ISL2: variants seen among roughly 807,000 people sequenced by gnomAD.
ISL2 encodes insulin gene enhancer protein ISL-2.
ISL2 carries 17 observed loss-of-function variants against 34.6 expected under a neutral mutation model. The ratio of observed to expected loss-of-function variants is 0.49; its 90% CI spans 0.34 to 0.74. ISL2 has a LOEUF of 0.74. ISL2 is among the 30% of genes least tolerant of loss of function. The probability of loss-of-function intolerance (pLI) is 0.01; values close to 1 mark genes in which losing one functional copy is unlikely to be tolerated. For synonymous variants in ISL2, 232 were observed against 225.5 expected, an observed-to-expected ratio of 1.03 and a Z score of -0.26; for missense variants, 469 against 515.2, an observed-to-expected ratio of 0.91 and a Z score of 0.87.
In ISL2 at chr15:76,337,766, C is replaced by T; in HGVS notation, c.59-12C>T. ...GTCAGGCCTGACGCGGCCCCGCGCC[C>T]TTCCCCGGCAGAGAAGCCCGGGACG... On this transcript the variant is annotated splice_polypyrimidine_tract_variant and intron_variant, in intron 1 of 5. Coordinates refer to ENST00000290759, the MANE Select transcript of ISL2 (RefSeq NM_145805.3). 6.4e-7 allele frequency: 1 copy of T among 1,572,956 alleles called. No individual in the cohort carries two copies. Among genetic ancestry groups the T allele is most frequent in the Non-Finnish European group, 8.6e-7 (1 of 1,156,246 alleles).
At chr15:76,340,229 T>C in intron 3 of ISL2, 47 bp from the exon 4 acceptor site, 1 of 1,302,502 alleles carries the variant, frequency 7.7e-7, no homozygotes, top group Non-Finnish European at 1.0e-6. Flanking sequence ...TCGGGGCGGG[T>C]GGGTGGCGGC....
At chr15:76,340,716 G>A (rs754470194) in intron 4 of ISL2, among the ~76,000 whole-genome samples, 157 bp downstream of exon 4, 5 of 152,250 alleles carry the variant, frequency 3.3e-5, no homozygotes, top group African/African-American at 4.8e-5. Context: ...GCTTCCCTTG[G>A]ATTTGAGGCT....
intron 4 of ISL2, 87 bp from the exon 5 acceptor site, chr15:76,341,047 C>A: frequency 7.8e-7 from 1 of 1,277,412 alleles, no homozygotes; most frequent in South Asian, 1.5e-5. Context: ...GACCCTAAAT[C>A]ACTCAAGGCC....
At chr15:76,339,457 G>C in intron 3 of ISL2, 1 of 985,424 alleles carries the variant, frequency 1.0e-6, no homozygotes, top group Non-Finnish European at 1.2e-6. Context: ...GGAGCAAGCG[G>C]GTATTCAGTG....
At chr15:76,341,584 C>T (rs2040195083) in intron 5 of ISL2, 135 bp from the exon 6 acceptor site, 1 of 754,826 alleles carries the variant, frequency 1.3e-6, no homozygotes. Context: ...GGGACCTGGC[C>T]TCCTTCTCCG....
At position 76,340,558 on chromosome 15, in the gene ISL2, C is replaced by G. The variant is rs867957482; in HGVS notation, c.794C>G (p.Thr265Arg). 18 of 1,602,284 alleles carry G rather than the reference C, an allele frequency of 1.1e-5. No homozygotes were observed. Among genetic ancestry groups the G allele is most frequent in the Middle Eastern group, 1.7e-4 (1 of 6,010 alleles). Residue 265 changes from threonine (T) to arginine (R), a missense_variant and splice_region_variant, in exon 4 of 6, where the codon ACG becomes AGG. Thr to Arg is a moderately conservative substitution (Grantham distance 71). Around this residue, in one of 3 missense-constraint regions of ISL2, gnomAD observed 169 missense variants for 154.2 expected, o/e 1.10. Transcript: ENST00000290759. The part of the protein sequence containing the change: ...QLQQQQHSDK[T>R]SLQGLTGTPL... Reference sequence around the variant, plus strand: ...CAGCAGCAGCAGCACAGCGACAAGACGGTGAGCAGCCGCTGGGCCGGAGGC... The same window carrying G: ...CAGCAGCAGCAGCACAGCGACAAGAGGGTGAGCAGCCGCTGGGCCGGAGGC...
At chr15:76,341,050 T>C (rs2040189101) in intron 4 of ISL2, 84 bp from the exon 5 acceptor site, 3 of 1,320,544 alleles carry the variant, frequency 2.3e-6, no homozygotes, top group African/African-American at 1.5e-5. Flanking sequence ...CCTAAATCAC[T>C]CAAGGCCTGG....
chr15:76,340,597 G>C, intron 4 of ISL2, 38 bp downstream of exon 4: 1 of 1,574,490 alleles, frequency 6.4e-7, no homozygotes, highest in Non-Finnish European at 8.6e-7. Flanking sequence ...AGTCGGGTGG[G>C]GGCTGCGCTT....
At position 76,337,790 on chromosome 15, in the gene ISL2, C is replaced by T. The variant is rs1341429705; in HGVS notation, c.71C>T (p.Thr24Met). ...CCTTCCCCGGCAGAGAAGCCCGGGA[C>T]GGCCATGTGCGTGGGCTGCGGGAGT... ...MGDHSKKKPG[T>M]AMCVGCGSQI... Residue 24 changes from threonine (T) to methionine (M), a missense_variant, in exon 2 of 6, where the codon ACG becomes ATG. Physicochemically the swap from Thr to Met is moderately conservative, Grantham distance 81 (BLOSUM62 -1). This residue lies in a region of ISL2 where 297 missense variants were observed against 337.8 expected (regional missense o/e 0.88). Transcript: ENST00000290759. The T allele has an allele frequency of 6.3e-7, 1 of 1,594,126 alleles. No individual in the cohort carries two copies. The highest frequency in any genetic ancestry group is 1.3e-5 in the African/African-American group (1 of 74,352).
chr15:76,342,020 A>G lies in ISL2; in HGVS notation c.*185A>G. On this transcript the variant is annotated 3_prime_UTR_variant, in exon 6 of 6. Transcript: ENST00000290759. ...CGCCAGGATGCAACCTGCTTTCACCAGACTGCAGACCCCTGCTCCGAGGAC... is the reference window on the plus strand; with the variant it reads ...CGCCAGGATGCAACCTGCTTTCACCGGACTGCAGACCCCTGCTCCGAGGAC... 1 of 585,994 alleles carries G rather than the reference A, an allele frequency of 1.7e-6. No individual in the cohort carries two copies. The highest frequency in any genetic ancestry group is 3.1e-6 in the Non-Finnish European group (1 of 326,984). The allele number at this position is 585,994 out of a possible 1,614,324, so 36.3% of individuals were successfully genotyped here.
Position 76,341,873 on chromosome 15 carries a change from CTCCCT to C in ISL2, c.*39_*43del. On this transcript the variant is annotated 3_prime_UTR_variant, in exon 6 of 6. Coordinates refer to ENST00000290759, the MANE Select transcript of ISL2 (RefSeq NM_145805.3). ...CCTGCCAGCCCGCGGACCTCGCATG[CTCCCT>C]GCATGAGACTCACCCATGCTCAGGC... 1 of 1,356,916 alleles carries C rather than the reference CTCCCT, an allele frequency of 7.4e-7. No individual in the cohort carries two copies. Among genetic ancestry groups the C allele is most frequent in the Non-Finnish European group, 1.1e-6 (1 of 947,546 alleles). The allele number at this position is 1,356,916 out of a possible 1,614,324, so 84.1% of individuals were successfully genotyped here. A position where few individuals can be genotyped will look rare whatever the true frequency, so the allele number is the denominator to read the frequency against.
intron 1 of ISL2, 99 bp downstream of exon 1, chr15:76,337,040 T>G (rs867092520): frequency 9.1e-7 from 1 of 1,095,824 alleles, no homozygotes; most frequent in Middle Eastern, 2.0e-4. Context: ...TACAAGTGGC[T>G]TCTATTTGTC....
Position 76,341,810 on chromosome 15 carries a change from T to G in ISL2, c.1055T>G (p.Met352Arg), listed in dbSNP as rs1350301007. 6.2e-7 allele frequency: 1 copy of G among 1,613,410 alleles called. No individual in the cohort carries two copies. The highest frequency in any genetic ancestry group is 8.5e-7 in the Non-Finnish European group (1 of 1,179,890). Residue 352 changes from methionine (M) to arginine (R), a missense_variant, in exon 6 of 6, where the codon ATG (methionine) becomes AGG (arginine). Met to Arg is a moderately conservative substitution (Grantham distance 91). Coordinates refer to ENST00000290759, the MANE Select transcript of ISL2 (RefSeq NM_145805.3). ...CAGCTCCCGGACACCCCCAACAGTA[T>G]GGTGCCGAGTCCCGTGGAGACGTGA... The part of the protein sequence containing the change: ...SSQLPDTPNS[M>R]VPSPVET
Position 76,340,518 on chromosome 15 carries a change from C to T in ISL2, c.754C>T (p.Leu252Phe). 2.5e-6 allele frequency: 4 copies of T among 1,612,326 alleles called. No homozygotes were observed. Among genetic ancestry groups the T allele is most frequent in the South Asian group, 1.1e-5 (1 of 91,068 alleles). Residue 252 changes from leucine (L) to phenylalanine (F), a missense_variant, in exon 4 of 6, where the codon CTC becomes TTC. By Grantham distance (22) the Leu-to-Phe change is conservative. Coordinates refer to ENST00000290759, the MANE Select transcript of ISL2 (RefSeq NM_145805.3). ...KRCKDKKKSI[L>F]MKQLQQQQHS... ...CTGCAAGGACAAGAAGAAATCCATT[C>T]TCATGAAGCAGCTGCAGCAGCAGCA...
chr15:76,338,004 G>A, intron 2 of ISL2, 37 bp downstream of exon 2: 1 of 1,516,812 alleles, frequency 6.6e-7, no homozygotes, highest in African/African-American at 1.4e-5. Flanking sequence ...GCCACCGCGC[G>A]CAGGGGCCGG....
chr15:76,341,576 G>A, intron 5 of ISL2, 143 bp from the exon 6 acceptor site: 1 of 734,434 alleles, frequency 1.4e-6, no homozygotes. Context: ...TGCGCCTGGG[G>A]ACCTGGCCTC....
intron 1 of ISL2, chr15:76,337,296 C>T: frequency 2.7e-6 from 1 of 368,690 alleles, no homozygotes; most frequent in African/African-American, 2.2e-5. Flanking sequence ...CTTTCTTTCG[C>T]TTGCTCTGGG....
In ISL2 at chr15:76,337,938, GA is replaced by G; in HGVS notation, c.221del (p.Lys74ArgfsTer29). On this transcript the variant is annotated frameshift_variant, in exon 2 of 6. Coordinates refer to ENST00000290759, the MANE Select transcript of ISL2 (RefSeq NM_145805.3). LOFTEE classifies it high-confidence loss of function. ...CGTGCACGTGCTTCGTGAGAGACGGGAAGACCTACTGCAAGCGGGACTATGT... is the reference window on the plus strand; with the variant it reads ...CGTGCACGTGCTTCGTGAGAGACGGGAGACCTACTGCAAGCGGGACTATGT... Reference protein sequence around the residue: ...ETCTCFVRDGKTYCKRDYVRL... With the variant: ...ETCTCFVRDGXTYCKRDYVRL... The G allele has an allele frequency of 6.2e-7, 1 of 1,608,990 alleles. No homozygotes were observed. The highest frequency in any genetic ancestry group is 8.5e-7 in the Non-Finnish European group (1 of 1,177,638).
rs1350939111 is a variant in ISL2, at chr15:76,341,263, C to T, written c.925C>T (p.Leu309Phe). 6.2e-7 allele frequency: 1 copy of T among 1,609,454 alleles called. No individual in the cohort carries two copies. The highest frequency in any genetic ancestry group is 1.1e-5 in the South Asian group (1 of 90,134). The part of the protein sequence containing the change: ...PPWKALSEFA[L>F]QSDLDQPAFQ... Reference sequence around the variant, plus strand: ...GTGGAAGGCGCTCAGCGAGTTTGCCCTCCAGAGCGACCTGGACCAACCCGC... The same window carrying T: ...GTGGAAGGCGCTCAGCGAGTTTGCCTTCCAGAGCGACCTGGACCAACCCGC... Residue 309 changes from leucine to phenylalanine, a missense_variant, in exon 5 of 6, where the codon CTC becomes TTC. Around this residue, in one of 3 missense-constraint regions of ISL2, gnomAD observed 169 missense variants for 154.2 expected, o/e 1.10. Transcript: ENST00000290759.
Sources: allele counts gnomAD v4.1 joint callset (sites outside exome capture counted in the v4.1 genomes callset), GRCh38; gene constraint gnomAD v4.1.1; regional missense constraint gnomAD v4.1.1; transcripts MANE v1.5; gene names NCBI Gene and HGNC (gene_info 2026-07-23, HGNC 2026-07-21).